LOC400499: variants seen among roughly 807,000 people sequenced by gnomAD.
At chr16:11,374,424 C>T in the LOC400499 span, among the ~76,000 whole-genome samples, 1 of 152,176 alleles carries the variant, frequency 6.6e-6, no homozygotes, top group African/African-American at 2.4e-5. Flanking sequence ...TTTGTGCAAC[C>T]AATCTCTGGA....
chr16:11,517,180 C>G, the LOC400499 span, among the ~76,000 whole-genome samples: 1 of 152,156 alleles, frequency 6.6e-6, no homozygotes, highest in Admixed American at 6.6e-5. Flanking sequence ...TAGCACATCT[C>G]CTGTCTCTTC....
At chr16:11,413,026 C>T in the LOC400499 span, 1 of 398,332 alleles carries the variant, frequency 2.5e-6, no homozygotes, top group Non-Finnish European at 4.4e-6. Context: ...GGTGGGGACC[C>T]CAGCCGAGCT....
At chr16:11,386,480 G>A in the LOC400499 span, among the ~76,000 whole-genome samples, 10 of 152,342 alleles carry the variant, frequency 6.6e-5, no homozygotes, top group East Asian at 1.9e-3. Context: ...CGCTTCTAGG[G>A]AGCCCTGGGC....
the LOC400499 span, chr16:11,417,909 G>A: frequency 2.5e-6 from 1 of 398,082 alleles, no homozygotes. Context: ...AGCTGGCACT[G>A]GCTCCCACAA....
At chr16:11,450,378 G>A in the LOC400499 span, among the ~76,000 whole-genome samples, 18 of 152,192 alleles carry the variant, frequency 1.2e-4, no homozygotes, top group East Asian at 7.7e-4. Flanking sequence ...TTCTCTCCCC[G>A]TCATCTGCCG....
chr16:11,481,984 TAA>T, the LOC400499 span, among the ~76,000 whole-genome samples: 1 of 151,934 alleles, frequency 6.6e-6, no homozygotes, highest in Non-Finnish European at 1.5e-5. Context: ...TTTCATCTCT[TAA>T]AAAAAAGAGT....
At chr16:11,384,721 G>A in the LOC400499 span, among the ~76,000 whole-genome samples, 2 of 152,220 alleles carry the variant, frequency 1.3e-5, no homozygotes, top group African/African-American at 4.8e-5. Context: ...GGGGTCAATG[G>A]CATGAGGCTA....
chr16:11,440,204 G>A, the LOC400499 span, among the ~76,000 whole-genome samples: 1 of 152,136 alleles, frequency 6.6e-6, no homozygotes, highest in African/African-American at 2.4e-5. Context: ...ATGAACAAAT[G>A]AACAGCCATG....
At chr16:11,431,343 T>C in the LOC400499 span, 4 of 397,912 alleles carry the variant, frequency 1.0e-5, no homozygotes, top group African/African-American at 6.2e-5. Flanking sequence ...GGACATAACC[T>C]CTCTGGGCAT....
the LOC400499 span, among the ~76,000 whole-genome samples, chr16:11,377,750 A>G: frequency 2.6e-5 from 4 of 152,312 alleles, no homozygotes; most frequent in Admixed American, 1.3e-4. Flanking sequence ...TATCAGGAAC[A>G]TTGGTCTATT....
At chr16:11,443,263 G>C in the LOC400499 span, 3 of 311,630 alleles carry the variant, frequency 9.6e-6, no homozygotes, top group Non-Finnish European at 1.8e-5. Flanking sequence ...GGCAGAGGTT[G>C]CAATGAGCCG....
At chr16:11,373,328 C>T in the LOC400499 span, among the ~76,000 whole-genome samples, 51 of 152,286 alleles carry the variant, frequency 3.3e-4, no homozygotes, top group African/African-American at 1.1e-3. Flanking sequence ...TCATCTGCTA[C>T]GAGAACTGTT....
the LOC400499 span, chr16:11,502,193 G>A: frequency 1.5e-5 from 6 of 398,970 alleles, no homozygotes; most frequent in Non-Finnish European, 4.4e-6. Context: ...GCGATTCAGA[G>A]GGGGCAGCAT....
chr16:11,426,692 G>C, the LOC400499 span, among the ~76,000 whole-genome samples: 1 of 151,696 alleles, frequency 6.6e-6, no homozygotes, highest in African/African-American at 2.4e-5. Context: ...ACTTTGGGAA[G>C]TTGAGGTAGG....
the LOC400499 span, chr16:11,448,076 G>C: frequency 9.8e-6 from 15 of 1,533,644 alleles, no homozygotes; most frequent in Non-Finnish European, 1.3e-5. Context: ...TTCCGGGGCT[G>C]CAACAAGATC....
the LOC400499 span, among the ~76,000 whole-genome samples, chr16:11,464,402 C>T: frequency 6.6e-6 from 1 of 152,250 alleles, no homozygotes; most frequent in Non-Finnish European, 1.5e-5. Context: ...ATTTCTCACC[C>T]AAACCGGAAC....
chr16:11,510,611 G>A, the LOC400499 span, among the ~76,000 whole-genome samples: 1 of 151,740 alleles, frequency 6.6e-6, no homozygotes, highest in East Asian at 1.9e-4. Flanking sequence ...CCCCTCCCAG[G>A]AGGGTGTCAG....
the LOC400499 span, among the ~76,000 whole-genome samples, chr16:11,373,303 G>A: frequency 6.6e-6 from 1 of 152,176 alleles, no homozygotes; most frequent in East Asian, 1.9e-4. Context: ...GGCAAAGGAA[G>A]TGCCCTTCTA....
the LOC400499 span, among the ~76,000 whole-genome samples, chr16:11,422,166 C>G: frequency 6.6e-6 from 1 of 152,272 alleles, no homozygotes; most frequent in Admixed American, 6.5e-5. Context: ...TTTGGGAGGC[C>G]GAAACGGGCC....
Sources: gnomAD v4.1 joint callset for allele counts (sites outside exome capture counted in the v4.1 genomes callset) on GRCh38, gnomAD v4.1.1 for gene constraint, MANE v1.5 for transcripts.